The following CMTM1 variants were observed in gnomAD, a reference collection of about 807,000 sequenced individuals.
CMTM1 encodes the protein CKLF-like MARVEL transmembrane domain-containing protein 1.
Under a neutral mutation model 17.8 loss-of-function variants are expected in CMTM1, and 16 were observed. The ratio of observed to expected loss-of-function variants is 0.90; its 90% CI spans 0.61 to 1.37. The LOEUF is 1.37. Ranked by LOEUF, CMTM1 falls within the 40% of genes most tolerant of loss-of-function variation. CMTM1 has a pLI of 0.00. For synonymous variants in CMTM1, 169 were observed against 154.6 expected (o/e 1.09, Z -0.69); for missense variants, 354 against 375.6 (o/e 0.94, Z 0.47).
intron 2 of CMTM1, among the ~76,000 whole-genome samples, chr16:66,570,526 A>G (rs2013352266): frequency 3.3e-5 from 5 of 152,192 alleles, no homozygotes; most frequent in Admixed American, 2.6e-4. Context: ...ACACTTAAAG[A>G]TTGTAGTCAA....
In CMTM1 at chr16:66,577,101, C is replaced by T. The variant is rs1165484070; in HGVS notation, c.592-3C>T. On this transcript the variant is annotated splice_polypyrimidine_tract_variant and splice_region_variant and intron_variant, in intron 2 of 3. Transcript: ENST00000379500. ...CTTGATAATTTTCAATTCTTTATTA[C>T]AGGATCTTACCAACAGTATCATTAC... 4.4e-6 allele frequency: 7 copies of T among 1,608,842 alleles called. No individual in the cohort carries two copies. The highest frequency in any genetic ancestry group is 1.7e-5 in the Admixed American group (1 of 58,698).
intron 1 of CMTM1, chr16:66,567,168 T>TA: frequency 1.6e-6 from 1 of 629,404 alleles, no homozygotes. Flanking sequence ...TTTTTTTTTT[T>TA]TTATTATACT....
intron 2 of CMTM1, chr16:66,575,188 A>G (rs1434139677): frequency 2.0e-6 from 2 of 985,316 alleles, no homozygotes; most frequent in African/African-American, 3.5e-5. Context: ...TAGGAAGAAC[A>G]TCTGGAGTTT....
intron 2 of CMTM1, chr16:66,571,142 C>A (rs780603427): frequency 2.2e-6 from 1 of 457,068 alleles, no homozygotes; most frequent in African/African-American, 2.0e-5. Context: ...CACAGAATGC[C>A]GAGTACAGGA....
chr16:66,575,622 T>A (rs930438642), intron 2 of CMTM1, among the ~76,000 whole-genome samples: 8 of 152,196 alleles, frequency 5.3e-5, no homozygotes, highest in African/African-American at 1.4e-4. Flanking sequence ...TATTCAATCC[T>A]AGGCAACTGA....
intron 3 of CMTM1, 84 bp downstream of exon 3, chr16:66,577,286 T>A: frequency 8.9e-7 from 1 of 1,123,822 alleles, no homozygotes; most frequent in Non-Finnish European, 1.3e-6. Flanking sequence ...ATTATATCAT[T>A]AACCAAGCAA....
chr16:66,578,991 G>A lies in CMTM1; in HGVS notation c.851G>A (p.Arg284Lys). Residue 284 changes from arginine to lysine, a missense_variant, in exon 4 of 4, where the codon AGG becomes AAG. Coordinates refer to ENST00000379500, the MANE Select transcript of CMTM1 (RefSeq NM_052999.4). ...GAAACCGGCCCCGACGCCCCGCAGA[G>A]GCCCGCCTGAAGCCAGCCCGGCGCC... ...YPETGPDAPQ[R>K]PA The A allele has an allele frequency of 6.2e-7, 1 of 1,613,346 alleles. No individual in the cohort carries two copies.
At chr16:66,567,162 T>TTTA in intron 1 of CMTM1, 1 of 648,368 alleles carries the variant, frequency 1.5e-6, no homozygotes, top group South Asian at 1.8e-5. Context: ...TTCTTTTTTT[T>TTTA]TTTTTTTTAT....
rs774508829 is a variant in CMTM1, at chr16:66,566,928, T to C, written c.415T>C (p.Leu139=). 1.2e-5 allele frequency: 19 copies of C among 1,614,030 alleles called. No individual in the cohort carries two copies. In the East Asian group the frequency reaches 2.0e-4, roughly 17 times the overall value. The change falls in exon 1 of 4, where the codon TTG becomes CTG. Residue 139 remains leucine, a synonymous_variant. Coordinates refer to ENST00000379500, the MANE Select transcript of CMTM1 (RefSeq NM_052999.4). The surrounding 1 kb of genome is among the most constrained non-coding windows in gnomAD (Gnocchi z 4.9). ...TTTCTCCTTCTCGCCCACTGGAATGTTGAAGATCCTGAGACTGGTGAGCGG... is the reference window on the plus strand; with the variant it reads ...TTTCTCCTTCTCGCCCACTGGAATGCTGAAGATCCTGAGACTGGTGAGCGG... ...KRFSFSPTGM[L]KILRLSLILG...
chr16:66,575,095 C>T, intron 2 of CMTM1: 2 of 985,446 alleles, frequency 2.0e-6, no homozygotes, highest in Non-Finnish European at 2.4e-6. Context: ...CATTAACTAC[C>T]AGGCACCAAA....
chr16:66,575,458 T>A (rs953498849), intron 2 of CMTM1: 2 of 153,670 alleles, frequency 1.3e-5, no homozygotes, highest in African/African-American at 4.8e-5. Flanking sequence ...AACTGACTGG[T>A]ACTGTATCAT....
At chr16:66,567,094 C>A in intron 1 of CMTM1, 149 bp downstream of exon 1, 2 of 774,808 alleles carry the variant, frequency 2.6e-6, no homozygotes, top group East Asian at 2.7e-5. Flanking sequence ...CCCACCACCC[C>A]CTGCTCCCCA....
At chr16:66,573,173 C>G (rs1391042605) in intron 2 of CMTM1, among the ~76,000 whole-genome samples, 2 of 152,186 alleles carry the variant, frequency 1.3e-5, no homozygotes, top group Admixed American at 6.5e-5. Context: ...TTCATGTGAA[C>G]TCACAGAATA....
At chr16:66,575,631 GA>G (rs1312852803) in intron 2 of CMTM1, among the ~76,000 whole-genome samples, 1 of 152,176 alleles carries the variant, frequency 6.6e-6, no homozygotes, top group Non-Finnish European at 1.5e-5. Flanking sequence ...CTAGGCAACT[GA>G]AAAACTCCAA....
At chr16:66,576,051 T>C (rs1266568834) in intron 2 of CMTM1, among the ~76,000 whole-genome samples, 1 of 152,206 alleles carries the variant, frequency 6.6e-6, no homozygotes. Context: ...CACGCACTCA[T>C]CCTCACTATT....
At chr16:66,574,554 C>T (rs1015067119) in intron 2 of CMTM1, among the ~76,000 whole-genome samples, 1 of 152,150 alleles carries the variant, frequency 6.6e-6, no homozygotes, top group Admixed American at 6.5e-5. Flanking sequence ...GAGCTAGCTA[C>T]AATAGAAATG....
intron 3 of CMTM1, among the ~76,000 whole-genome samples, chr16:66,577,499 A>AC (rs2014389670): frequency 6.6e-6 from 1 of 152,166 alleles, no homozygotes; most frequent in Admixed American, 6.5e-5. Context: ...TATAAATAGG[A>AC]CTTTGATTTT....
intron 1 of CMTM1, among the ~76,000 whole-genome samples, chr16:66,568,466 A>AGAGT (rs1279810710): frequency 6.6e-6 from 1 of 152,228 alleles, no homozygotes; most frequent in Non-Finnish European, 1.5e-5. Flanking sequence ...TTTCAAACTA[A>AGAGT]GAGTCAGCAT....
chr16:66,568,696 G>A (rs2012998236), intron 1 of CMTM1, among the ~76,000 whole-genome samples: 1 of 152,046 alleles, frequency 6.6e-6, no homozygotes. Flanking sequence ...GACCAGCCTG[G>A]CCAATATGGT....
Sources: gnomAD v4.1 joint callset for allele counts (sites outside exome capture counted in the v4.1 genomes callset) on GRCh38, gnomAD v4.1.1 for gene constraint, Gnocchi (gnomAD v3.1) non-coding constraint, MANE v1.5 for transcripts, NCBI Gene and HGNC (gene_info 2026-07-23, HGNC 2026-07-21) for gene names.